Variants in MECOM observed in about 807,000 individuals in gnomAD.
MECOM encodes the protein MDS1 and EVI1 complex locus.
MECOM carries 13 observed loss-of-function variants against 116.3 expected under a neutral mutation model. The ratio of observed to expected loss-of-function variants is 0.11; its 90% CI spans 0.07 to 0.18. The LOEUF (loss-of-function observed/expected upper bound fraction) is 0.18, where lower values mean the gene tolerates loss of function less well. MECOM is among the 10% of genes least tolerant of loss of function. MECOM has a pLI of 1.00. For synonymous variants in MECOM, 528 were observed against 535.2 expected, an observed-to-expected ratio of 0.99 and a Z score of 0.19; for missense variants, 1,299 against 1,509.0, an observed-to-expected ratio of 0.86 and a Z score of 2.31.
At chr3:169,306,333 A>C (rs550130670) in intron 2 of MECOM, among the ~76,000 whole-genome samples, 1 of 152,348 alleles carries the variant, frequency 6.6e-6, no homozygotes, top group East Asian at 1.9e-4. Flanking sequence ...CCCATTCAGC[A>C]GATGAAAAAT....
At chr3:169,522,659 T>C (rs1193725883) in intron 1 of MECOM, among the ~76,000 whole-genome samples, 2 of 152,168 alleles carry the variant, frequency 1.3e-5, no homozygotes, top group Non-Finnish European at 2.9e-5. Context: ...TTATATGTGA[T>C]CATATGGATG....
intron 1 of MECOM, among the ~76,000 whole-genome samples, chr3:169,440,470 A>T (rs1415781000): frequency 1.4e-5 from 2 of 142,584 alleles, no homozygotes; most frequent in African/African-American, 5.1e-5. Flanking sequence ...CATTCCAGGC[A>T]GGAGAAACCC....
At chr3:169,543,492 A>C (rs1478453467) in intron 1 of MECOM, among the ~76,000 whole-genome samples, 1 of 152,144 alleles carries the variant, frequency 6.6e-6, no homozygotes, top group African/African-American at 2.4e-5. Context: ...CAGGTGTTTA[A>C]GGTTACAGTG....
chr3:169,524,531 A>G (rs1472750555), intron 1 of MECOM, among the ~76,000 whole-genome samples: 1 of 152,234 alleles, frequency 6.6e-6, no homozygotes, highest in African/African-American at 2.4e-5. Context: ...ACAGGCTAAG[A>G]GTGGCCATTA....
chr3:169,300,543 T>C (rs150322035), intron 2 of MECOM, among the ~76,000 whole-genome samples: 267 of 152,304 alleles, frequency 1.8e-3, no homozygotes, highest in African/African-American at 6.2e-3. Context: ...ATTTCACACC[T>C]GCTGATGTAA....
chr3:169,256,529 A>ATTTG (rs1210812635), intron 2 of MECOM, among the ~76,000 whole-genome samples: 3 of 152,232 alleles, frequency 2.0e-5, no homozygotes, highest in African/African-American at 7.2e-5. Flanking sequence ...GTCATTTCAA[A>ATTTG]GGTCTAAATG....
At chr3:169,549,101 G>GT (rs2109290411) in intron 1 of MECOM, among the ~76,000 whole-genome samples, 1 of 151,872 alleles carries the variant, frequency 6.6e-6, no homozygotes, top group South Asian at 2.1e-4. Flanking sequence ...AGCCTCCCGA[G>GT]TAGCTGGGAC....
intron 1 of MECOM, among the ~76,000 whole-genome samples, chr3:169,646,552 A>G (rs1774214683): frequency 1.3e-5 from 2 of 152,174 alleles, no homozygotes; most frequent in Admixed American, 1.3e-4. Context: ...TATTCAATTA[A>G]GTAGCTAGTG....
intron 1 of MECOM, chr3:169,615,023 G>A (rs1769823338): frequency 6.6e-6 from 1 of 152,194 alleles, no homozygotes; most frequent in South Asian, 2.1e-4. Context: ...TCATATATTA[G>A]ATGAGTTCAC....
intron 2 of MECOM, among the ~76,000 whole-genome samples, chr3:169,272,857 G>T (rs117764687): frequency 1.3e-5 from 2 of 152,256 alleles, no homozygotes; most frequent in East Asian, 3.9e-4. Flanking sequence ...GTCATAGGGT[G>T]GGCACTGGCT....
chr3:169,606,954 T>C (rs191455114), intron 1 of MECOM, among the ~76,000 whole-genome samples: 19 of 152,332 alleles, frequency 1.2e-4, no homozygotes, highest in African/African-American at 4.3e-4. Context: ...TGAATAGCCA[T>C]ATGCCTCAGT....
At chr3:169,384,394 A>T (rs1732956922) in intron 1 of MECOM, among the ~76,000 whole-genome samples, 2 of 152,206 alleles carry the variant, frequency 1.3e-5, no homozygotes, top group South Asian at 4.1e-4. Flanking sequence ...TCAGAGAAGT[A>T]TACTTTAAGG....
intron 1 of MECOM, among the ~76,000 whole-genome samples, chr3:169,449,826 G>T (rs1204937526): frequency 6.6e-6 from 1 of 152,138 alleles, no homozygotes; most frequent in African/African-American, 2.4e-5. Context: ...TTCCTTAATG[G>T]TGTCAAACTG....
At chr3:169,350,572 C>T (rs111499537) in intron 2 of MECOM, among the ~76,000 whole-genome samples, 5 of 151,996 alleles carry the variant, frequency 3.3e-5, no homozygotes, top group African/African-American at 1.2e-4. Flanking sequence ...AAATACATAC[C>T]AGATTTCAAA....
chr3:169,497,507 G>A (rs553026508), intron 1 of MECOM, among the ~76,000 whole-genome samples: 39 of 151,966 alleles, frequency 2.6e-4, no homozygotes, highest in South Asian at 8.3e-4. Flanking sequence ...CACCAGGCCC[G>A]GCTAATTTTT....
At chr3:169,514,500 A>C (rs533548272) in intron 1 of MECOM, among the ~76,000 whole-genome samples, 1 of 152,366 alleles carries the variant, frequency 6.6e-6, no homozygotes, top group East Asian at 1.9e-4. Flanking sequence ...CTCAGCACTC[A>C]CTAAAAAGGA....
At chr3:169,508,688 A>T (rs1485278114) in intron 1 of MECOM, among the ~76,000 whole-genome samples, 1 of 152,174 alleles carries the variant, frequency 6.6e-6, no homozygotes, top group Admixed American at 6.5e-5. Context: ...TAGAAAAATA[A>T]TAAAATAAAA....
chr3:169,131,991 GT>G, intron 3 of MECOM: 2 of 992,868 alleles, frequency 2.0e-6, no homozygotes, highest in Non-Finnish European at 2.4e-6. Context: ...TCAACAACGT[GT>G]TTGGAAGGTA....
At chr3:169,592,990 A>G (rs1766614717) in intron 1 of MECOM, among the ~76,000 whole-genome samples, 1 of 152,246 alleles carries the variant, frequency 6.6e-6, no homozygotes, top group Non-Finnish European at 1.5e-5. Context: ...CATGAGATAC[A>G]TATGCCTTCA....
Sources: allele counts gnomAD v4.1 joint callset (sites outside exome capture counted in the v4.1 genomes callset), GRCh38; gene constraint gnomAD v4.1.1; transcripts MANE v1.5; gene names NCBI Gene and HGNC (gene_info 2026-07-23, HGNC 2026-07-21).